BLTP3B: variants seen among roughly 807,000 people sequenced by gnomAD.
The protein encoded by BLTP3B is UHRF1 (ICBP90) binding protein 1-like.
the BLTP3B span, among the ~76,000 whole-genome samples, chr12:100,078,994 A>G: frequency 6.6e-6 from 1 of 152,212 alleles, no homozygotes; most frequent in Non-Finnish European, 1.5e-5. Flanking sequence ...GCCACCATCC[A>G]TGTAAGACAT....
the BLTP3B span, among the ~76,000 whole-genome samples, chr12:100,072,017 A>T: frequency 0.29 from 44,086 of 152,158 alleles, 9,537 homozygotes; most frequent in African/African-American, 0.61. Flanking sequence ...TCCCAGCACT[A>T]TGGGAGTCCA....
At chr12:100,142,804 CG>C in the BLTP3B span, 22 of 969,354 alleles carry the variant, frequency 2.3e-5, no homozygotes, top group South Asian at 3.7e-4. Context: ...GCCGAGAACC[CG>C]GAGCATCACG....
At chr12:100,106,781 A>C in the BLTP3B span, among the ~76,000 whole-genome samples, 1 of 152,242 alleles carries the variant, frequency 6.6e-6, no homozygotes, top group Non-Finnish European at 1.5e-5. Flanking sequence ...GAAAGTGTCA[A>C]GTCTTTGTAG....
the BLTP3B span, among the ~76,000 whole-genome samples, chr12:100,114,993 TACATA>T: frequency 6.6e-6 from 1 of 152,182 alleles, no homozygotes; most frequent in Admixed American, 6.5e-5. Context: ...CAAATTTTTT[TACATA>T]ACCTAAGGCA....
At chr12:100,113,162 C>A in the BLTP3B span, among the ~76,000 whole-genome samples, 2 of 151,836 alleles carry the variant, frequency 1.3e-5, no homozygotes, top group African/African-American at 4.8e-5. Flanking sequence ...CAGAGTAAGA[C>A]CCTGTCACAC....
chr12:100,102,913 A>G, the BLTP3B span: 1 of 1,051,448 alleles, frequency 9.5e-7, no homozygotes, highest in Non-Finnish European at 1.3e-6. Context: ...GTATATTATT[A>G]AAGTATTATT....
the BLTP3B span, chr12:100,047,993 T>A: frequency 1.3e-6 from 2 of 1,595,520 alleles, no homozygotes; most frequent in Non-Finnish European, 1.7e-6. Flanking sequence ...GGCATTACTG[T>A]TGCAACAGTT....
the BLTP3B span, chr12:100,072,897 AACT>A: frequency 7.1e-7 from 1 of 1,412,792 alleles, no homozygotes; most frequent in Non-Finnish European, 9.4e-7. Flanking sequence ...GTACTTTTAA[AACT>A]ACTTACAAAA....
chr12:100,105,702 G>A, the BLTP3B span, among the ~76,000 whole-genome samples: 2 of 152,030 alleles, frequency 1.3e-5, no homozygotes, highest in African/African-American at 2.4e-5. Context: ...AAACTAAAAC[G>A]CTTCTACACA....
At chr12:100,058,742 T>C in the BLTP3B span, 2 of 1,613,990 alleles carry the variant, frequency 1.2e-6, no homozygotes, top group Non-Finnish European at 1.7e-6. Context: ...TTACAGCTTC[T>C]ACATCTTTCC....
At chr12:100,052,102 T>C in the BLTP3B span, among the ~76,000 whole-genome samples, 1 of 151,846 alleles carries the variant, frequency 6.6e-6, no homozygotes, top group Non-Finnish European at 1.5e-5. Flanking sequence ...TCTCACTCTG[T>C]TGCCCAGGCT....
chr12:100,096,857 A>G, the BLTP3B span, among the ~76,000 whole-genome samples: 1 of 152,110 alleles, frequency 6.6e-6, no homozygotes, highest in Admixed American at 6.6e-5. Flanking sequence ...AGGCAGGAGG[A>G]TCACATGACT....
the BLTP3B span, among the ~76,000 whole-genome samples, chr12:100,125,412 G>A: frequency 0.067 from 10,229 of 151,772 alleles, 374 homozygotes; most frequent in South Asian, 0.088. Flanking sequence ...CACTTTGGGA[G>A]GCCCAAGGCA....
chr12:100,136,305 CAA>C, the BLTP3B span, among the ~76,000 whole-genome samples: 17 of 151,386 alleles, frequency 1.1e-4, no homozygotes, highest in Non-Finnish European at 2.4e-4. Context: ...CAAAATCTAA[CAA>C]ATTTCATATA....
At chr12:100,093,143 A>G in the BLTP3B span, among the ~76,000 whole-genome samples, 1 of 152,224 alleles carries the variant, frequency 6.6e-6, no homozygotes, top group Non-Finnish European at 1.5e-5. Flanking sequence ...CAGGAAAACT[A>G]TTCTATGTTA....
chr12:100,053,619 C>T, the BLTP3B span, among the ~76,000 whole-genome samples: 1 of 152,076 alleles, frequency 6.6e-6, no homozygotes, highest in Non-Finnish European at 1.5e-5. Context: ...TTGTATGTAT[C>T]TGACACACCC....
chr12:100,115,870 T>A, the BLTP3B span, among the ~76,000 whole-genome samples: 1 of 151,908 alleles, frequency 6.6e-6, no homozygotes, highest in Non-Finnish European at 1.5e-5. Flanking sequence ...ACTAATGCAA[T>A]TCACCACATT....
the BLTP3B span, chr12:100,048,058 C>T: frequency 1.2e-6 from 2 of 1,612,798 alleles, no homozygotes; most frequent in African/African-American, 1.3e-5. Flanking sequence ...AAACTCAGTG[C>T]TGAAGTTTTC....
the BLTP3B span, among the ~76,000 whole-genome samples, chr12:100,085,165 G>C: frequency 1.3e-5 from 2 of 152,002 alleles, no homozygotes; most frequent in Non-Finnish European, 2.9e-5. Flanking sequence ...TATATAATCA[G>C]AATCATTAGG....
Sources: allele counts gnomAD v4.1 joint callset (sites outside exome capture counted in the v4.1 genomes callset), GRCh38; gene constraint gnomAD v4.1.1; transcripts MANE v1.5; gene names NCBI Gene and HGNC (gene_info 2026-07-23, HGNC 2026-07-21).